The following CPPED1 variants were observed in gnomAD, a reference collection of about 807,000 sequenced individuals.
CPPED1 encodes serine/threonine-protein phosphatase CPPED1.
Under a neutral mutation model 28.0 loss-of-function variants are expected in CPPED1, and 28 were observed. That is an observed-to-expected ratio of 1.00 (90% CI 0.74 to 1.37). The LOEUF is 1.37. Among genes scored for constraint, CPPED1 ranks in the 40% most tolerant of loss-of-function variants. The pLI is 0.00. For synonymous variants in CPPED1, 198 were observed against 180.2 expected (o/e 1.10, Z -0.79); for missense variants, 504 against 416.5 (o/e 1.21, Z -1.83).
chr16:12,777,925 T>C (rs2080507541), intron 2 of CPPED1, among the ~76,000 whole-genome samples: 1 of 151,672 alleles, frequency 6.6e-6, no homozygotes, highest in Admixed American at 6.6e-5. Flanking sequence ...TTTTTCTTTT[T>C]TTGAGATGAA....
intron 3 of CPPED1, among the ~76,000 whole-genome samples, chr16:12,696,723 G>GCCTGCCACCATGCCCGGCTAATT: frequency 6.6e-6 from 1 of 152,046 alleles, no homozygotes; most frequent in South Asian, 2.1e-4. Flanking sequence ...GATTACAGGT[G>GCCTGCCACCATGCCCGGCTAATT]TGAGCCGCTG....
chr16:12,755,593 T>C (rs2080361239), intron 2 of CPPED1, among the ~76,000 whole-genome samples: 1 of 152,138 alleles, frequency 6.6e-6, no homozygotes, highest in Non-Finnish European at 1.5e-5. Flanking sequence ...TCAATATGTA[T>C]CTTTATGTGT....
intron 3 of CPPED1, among the ~76,000 whole-genome samples, chr16:12,698,279 G>A (rs1389095699): frequency 2.0e-5 from 3 of 152,162 alleles, no homozygotes; most frequent in Non-Finnish European, 4.4e-5. Flanking sequence ...CCTTACAGAG[G>A]TGAATAAGGC....
chr16:12,733,711 T>C (rs1477297332), intron 2 of CPPED1, among the ~76,000 whole-genome samples: 3 of 152,086 alleles, frequency 2.0e-5, no homozygotes, highest in African/African-American at 7.2e-5. Context: ...TCTAGAAACA[T>C]CAACACAAGC....
At position 12,682,437 on chromosome 16, in the gene CPPED1, G is replaced by T. The variant is rs2079910085; in HGVS notation, c.716-17322C>A. 6.6e-6 allele frequency among the ~76,000 whole-genome samples: 1 copy of T among 152,166 alleles called. No homozygotes were observed. The highest frequency in any genetic ancestry group is 1.5e-5 in the Non-Finnish European group (1 of 68,044). The stretch of plus-strand genomic sequence containing the variant: ...AACCTGTAGAATATGCAAGAGGAGG[G>T]CTGTATTTTTTTAATACTAATATTT... On this transcript the variant is annotated intron_variant, in intron 3 of 3. Coordinates refer to ENST00000381774, the MANE Select transcript of CPPED1 (RefSeq NM_018340.3). The surrounding 1 kb of genome is among the most constrained non-coding windows in gnomAD (Gnocchi z 6.1).
intron 1 of CPPED1, among the ~76,000 whole-genome samples, chr16:12,784,692 T>TAA (rs1485803697): frequency 2.0e-5 from 3 of 152,256 alleles, no homozygotes; most frequent in African/African-American, 7.2e-5. Flanking sequence ...CAGAGCCATT[T>TAA]AAGCTGGATG....
At chr16:12,671,079 G>A (rs2079850642) in intron 3 of CPPED1, among the ~76,000 whole-genome samples, 1 of 152,128 alleles carries the variant, frequency 6.6e-6, no homozygotes, top group Admixed American at 6.6e-5. Flanking sequence ...TCAAACTCTT[G>A]ACCTCAAGTG....
chr16:12,747,558 C>CT (rs1424639658), intron 2 of CPPED1, among the ~76,000 whole-genome samples: 1 of 151,974 alleles, frequency 6.6e-6, no homozygotes, highest in African/African-American at 2.4e-5. Context: ...CCTGAATAGC[C>CT]TTGTAGCTAT....
At chr16:12,707,394 T>A (rs1567282107) in intron 2 of CPPED1, among the ~76,000 whole-genome samples, 1 of 151,628 alleles carries the variant, frequency 6.6e-6, no homozygotes, top group Non-Finnish European at 1.5e-5. Flanking sequence ...AGTGGAGGAG[T>A]GGGGATTTGA....
intron 3 of CPPED1, among the ~76,000 whole-genome samples, chr16:12,668,045 G>A (rs2079834753): frequency 6.6e-6 from 1 of 152,078 alleles, no homozygotes; most frequent in African/African-American, 2.4e-5. Flanking sequence ...AACAATAACA[G>A]AATCAAAGAG....
intron 3 of CPPED1, among the ~76,000 whole-genome samples, chr16:12,686,469 CA>C (rs1397530118): frequency 6.6e-6 from 1 of 152,176 alleles, no homozygotes; most frequent in Non-Finnish European, 1.5e-5. Context: ...GTTTCTTTGT[CA>C]GGGTGGGATT....
chr16:12,790,812 C>T (rs142792435), intron 1 of CPPED1, among the ~76,000 whole-genome samples: 5,786 of 151,320 alleles, frequency 0.038, 150 homozygotes, highest in Non-Finnish European at 0.06. Flanking sequence ...ACCTGTAGTC[C>T]CAGCAACTCG....
At chr16:12,765,310 T>G (rs1026085141) in intron 2 of CPPED1, among the ~76,000 whole-genome samples, 4 of 152,230 alleles carry the variant, frequency 2.6e-5, no homozygotes, top group African/African-American at 9.6e-5. Context: ...GTTTTTAAAT[T>G]ACACATGTTA....
chr16:12,726,286 C>T (rs112446252), intron 2 of CPPED1, among the ~76,000 whole-genome samples: 141 of 151,134 alleles, frequency 9.3e-4, no homozygotes, highest in Middle Eastern at 3.4e-3. Context: ...GTGATTTGCC[C>T]GCCTCAGCCT....
At chr16:12,675,585 T>G (rs1235464235) in intron 3 of CPPED1, among the ~76,000 whole-genome samples, 1 of 152,238 alleles carries the variant, frequency 6.6e-6, no homozygotes, top group Non-Finnish European at 1.5e-5. Flanking sequence ...GAAATTGAGA[T>G]GCAACCCAGT....
chr16:12,803,234 T>C (rs1488036900), intron 1 of CPPED1, among the ~76,000 whole-genome samples: 1 of 152,184 alleles, frequency 6.6e-6, no homozygotes, highest in Non-Finnish European at 1.5e-5. Flanking sequence ...GTGAATGACT[T>C]AAATAAACGT....
In CPPED1 at chr16:12,728,090, C is replaced by T. The variant is rs190186554; in HGVS notation, c.290-23041G>A. ...CTTGCTGCATGGTTTACTTTCCCAG[C>T]GAAATATTTGCAATTTCTGTTATTA... On this transcript the variant is annotated intron_variant, in intron 2 of 3. Transcript: ENST00000381774. Among the ~76,000 whole-genome samples the T allele has an allele frequency of 5.5e-4, 83 of 152,206 alleles. No homozygotes were observed. In the East Asian group the frequency reaches 7.1e-3, roughly 13 times the overall value.
chr16:12,734,185 T>C (rs532418258), intron 2 of CPPED1, among the ~76,000 whole-genome samples: 2 of 144,786 alleles, frequency 1.4e-5, no homozygotes, highest in South Asian at 4.6e-4. Flanking sequence ...TTCTCCTGCC[T>C]CCGCCTTCCA....
Position 12,745,600 on chromosome 16 carries a change from C to T in CPPED1, c.289+35585G>A, listed in dbSNP as rs540105442. Among the ~76,000 whole-genome samples, 72 of 152,180 alleles carry T rather than the reference C, an allele frequency of 4.7e-4. 1 individual carries two copies. The highest frequency in any genetic ancestry group is 1.0e-3 in the Non-Finnish European group (70 of 68,038). On this transcript the variant is annotated intron_variant, in intron 2 of 3. Transcript: ENST00000381774. ...GAAAACCAAATACCGCATGTTCTCACTTATAAGTGGGAATTAAATGATAAG... is the reference window on the plus strand; with the variant it reads ...GAAAACCAAATACCGCATGTTCTCATTTATAAGTGGGAATTAAATGATAAG...
Sources: allele counts gnomAD v4.1 joint callset (sites outside exome capture counted in the v4.1 genomes callset), GRCh38; gene constraint gnomAD v4.1.1; non-coding constraint Gnocchi (gnomAD v3.1); transcripts MANE v1.5; gene names NCBI Gene and HGNC (gene_info 2026-07-23, HGNC 2026-07-21).